The following CCDC60 variants were observed in gnomAD, a reference collection of about 807,000 sequenced individuals.
CCDC60 encodes coiled-coil domain-containing protein 60.
In CCDC60, 54 loss-of-function variants were observed where a neutral mutation model predicts 63.5. The ratio of observed to expected loss-of-function variants is 0.85; its 90% confidence interval spans 0.68 to 1.07. The LOEUF is 1.07. Among genes scored for constraint, CCDC60 ranks in the 50% least tolerant of loss-of-function variants. The pLI is 0.00. For synonymous variants in CCDC60, 206 were observed against 238.8 expected (o/e 0.86, Z 1.27); for missense variants, 651 against 684.3 (o/e 0.95, Z 0.54).
chr12:119,452,849 C>T (rs939924810), intron 2 of CCDC60, among the ~76,000 whole-genome samples: 1 of 151,578 alleles, frequency 6.6e-6, no homozygotes, highest in Admixed American at 6.6e-5. Context: ...TTTAGATGGA[C>T]CCTCACTCTG....
chr12:119,414,322 C>G (rs1238631172), intron 1 of CCDC60, among the ~76,000 whole-genome samples: 1 of 151,890 alleles, frequency 6.6e-6, no homozygotes, highest in African/African-American at 2.4e-5. Flanking sequence ...CCCGGCCACT[C>G]TTGTCTTTAT....
At chr12:119,402,402 C>G (rs1176708093) in intron 1 of CCDC60, 1 of 152,164 alleles carries the variant, frequency 6.6e-6, no homozygotes, top group Non-Finnish European at 1.5e-5. Context: ...GGAAAATTCT[C>G]CAGCTTCTCT....
chr12:119,540,796 C>A lies in CCDC60; in HGVS notation c.*81C>A. 1 of 947,668 alleles carries A rather than the reference C, an allele frequency of 1.1e-6. No individual in the cohort carries two copies. Among genetic ancestry groups the A allele is most frequent in the Non-Finnish European group, 1.7e-6 (1 of 599,022 alleles). 58.7% of individuals were successfully genotyped at this position (947,668 alleles called of 1,614,324 possible). A position where few individuals can be genotyped will look rare whatever the true frequency, so the allele number is the denominator to read the frequency against. On this transcript the variant is annotated 3_prime_UTR_variant, in exon 14 of 14. Coordinates refer to ENST00000327554, the MANE Select transcript of CCDC60 (RefSeq NM_178499.5). The stretch of plus-strand genomic sequence containing the variant: ...TCCTGTATCCTGCCTGTGTTCCTGC[C>A]TCCTGACTACCCTCATGGATGCTCT...
At chr12:119,521,446 G>C (rs904043470) in intron 9 of CCDC60, among the ~76,000 whole-genome samples, 14 of 152,176 alleles carry the variant, frequency 9.2e-5, no homozygotes, top group Non-Finnish European at 1.6e-4. Flanking sequence ...AGGGGTGTTG[G>C]GTGCTAACCA....
intron 1 of CCDC60, among the ~76,000 whole-genome samples, chr12:119,340,888 A>G (rs1042877484): frequency 6.6e-6 from 1 of 152,184 alleles, no homozygotes; most frequent in Admixed American, 6.5e-5. Context: ...CCTGAAAAAA[A>G]TAAAACAAAA....
chr12:119,432,628 C>T (rs999784339), intron 2 of CCDC60, among the ~76,000 whole-genome samples: 13 of 152,134 alleles, frequency 8.5e-5, no homozygotes, highest in African/African-American at 2.7e-4. Flanking sequence ...ATGAGATAGA[C>T]GCCAATAGAT....
At chr12:119,520,075 C>A in intron 8 of CCDC60, 46 bp from the exon 9 acceptor site, 1 of 1,562,364 alleles carries the variant, frequency 6.4e-7, no homozygotes, top group Non-Finnish European at 8.8e-7. Context: ...TGCACAAAAT[C>A]TTCATGAATT....
At chr12:119,367,216 A>G (rs923920561) in intron 1 of CCDC60, among the ~76,000 whole-genome samples, 2 of 152,184 alleles carry the variant, frequency 1.3e-5, no homozygotes, top group African/African-American at 4.8e-5. Context: ...AAACAATCCT[A>G]AAAAGTAGGT....
intron 1 of CCDC60, among the ~76,000 whole-genome samples, chr12:119,396,971 G>C (rs1436209773): frequency 6.6e-6 from 1 of 152,220 alleles, no homozygotes; most frequent in Non-Finnish European, 1.5e-5. Flanking sequence ...GATGTGTCCA[G>C]AGTTTCTTCT....
intron 1 of CCDC60, chr12:119,402,456 A>G (rs1956409393): frequency 1.3e-5 from 2 of 152,180 alleles, no homozygotes; most frequent in Non-Finnish European, 2.9e-5. Flanking sequence ...AGAGAGTACA[A>G]GCTTTGGAGC....
intron 2 of CCDC60, among the ~76,000 whole-genome samples, chr12:119,457,717 G>GC (rs66927580): frequency 8.2e-6 from 1 of 121,458 alleles, no homozygotes; most frequent in Non-Finnish European, 1.9e-5. Flanking sequence ...GGTGGTTGGC[G>GC]GGGGGGAGAA....
At position 119,530,939 on chromosome 12, in the gene CCDC60, T is replaced by C. The variant is rs780252917; in HGVS notation, c.1427T>C (p.Leu476Pro). 10 of 1,614,082 alleles carry C rather than the reference T, an allele frequency of 6.2e-6. No homozygotes were observed. In the East Asian group the frequency reaches 1.3e-4, roughly 22 times the overall value. ...LKNFRPAKKI[L>P]VKLQKFGENL... The stretch of plus-strand genomic sequence containing the variant: ...AACTTCCGCCCCGCCAAAAAGATCC[T>C]GGTGAAACTGCAGAAGTTTGGAGAA... Residue 476 changes from leucine to proline, a missense_variant, in exon 13 of 14, where the codon CTG becomes CCG. By Grantham distance (98) the Leu-to-Pro change is moderately conservative. Coordinates refer to ENST00000327554, the MANE Select transcript of CCDC60 (RefSeq NM_178499.5).
intron 2 of CCDC60, among the ~76,000 whole-genome samples, chr12:119,462,690 T>C (rs1950877286): frequency 6.6e-6 from 1 of 152,192 alleles, no homozygotes; most frequent in Non-Finnish European, 1.5e-5. Context: ...GGCATGGTCA[T>C]AGCTTACTGC....
At chr12:119,460,923 AC>A (rs1408685388) in intron 2 of CCDC60, among the ~76,000 whole-genome samples, 4 of 152,162 alleles carry the variant, frequency 2.6e-5, no homozygotes, top group African/African-American at 9.7e-5. Flanking sequence ...TATTCTACAG[AC>A]CTAGAAATGA....
chr12:119,486,725 G>A (rs1951450114), intron 4 of CCDC60, among the ~76,000 whole-genome samples: 1 of 152,160 alleles, frequency 6.6e-6, no homozygotes, highest in Admixed American at 6.5e-5. Flanking sequence ...GGGTAGGGCA[G>A]GGCTGTTCCC....
chr12:119,493,705 T>C (rs1421225134), intron 5 of CCDC60, among the ~76,000 whole-genome samples: 3 of 152,354 alleles, frequency 2.0e-5, no homozygotes, highest in Non-Finnish European at 4.4e-5. Context: ...CAATAATGAA[T>C]GTGCCAATTA....
At chr12:119,376,759 C>G (rs749648484) in intron 1 of CCDC60, among the ~76,000 whole-genome samples, 2 of 152,078 alleles carry the variant, frequency 1.3e-5, no homozygotes, top group African/African-American at 2.4e-5. Context: ...AACAGTGTGC[C>G]CCTATATATT....
intron 1 of CCDC60, among the ~76,000 whole-genome samples, chr12:119,413,627 T>C (rs1187395138): frequency 6.6e-6 from 1 of 152,196 alleles, no homozygotes; most frequent in Non-Finnish European, 1.5e-5. Context: ...TCATGGCCCC[T>C]GCATGAAGAT....
At chr12:119,355,633 T>A (rs1955709032) in intron 1 of CCDC60, among the ~76,000 whole-genome samples, 1 of 152,196 alleles carries the variant, frequency 6.6e-6, no homozygotes. Context: ...GACAACAATT[T>A]TTATTGAAGT....
Sources: allele counts gnomAD v4.1 joint callset (sites outside exome capture counted in the v4.1 genomes callset), GRCh38; gene constraint gnomAD v4.1.1; transcripts MANE v1.5; gene names NCBI Gene and HGNC (gene_info 2026-07-23, HGNC 2026-07-21).